LCA5: variants seen among roughly 807,000 people sequenced by gnomAD.
LCA5 encodes the protein lebercilin LCA5, also known as lebercilin.
A neutral mutation model predicts 53.0 loss-of-function variants in LCA5; 37 were observed. That is an observed-to-expected ratio of 0.70 (90% CI 0.54 to 0.92). The LOEUF is 0.92. Among genes scored for constraint, LCA5 ranks in the 40% least tolerant of loss-of-function variants. The pLI, the probability that LCA5 is intolerant of heterozygous loss-of-function variation, is 0.00. For missense variants in LCA5, 806 were observed against 790.5 expected, an observed-to-expected ratio of 1.02 and a Z score of -0.23; for synonymous variants, 303 against 282.9, an observed-to-expected ratio of 1.07 and a Z score of -0.71.
At chr6:79,514,589 T>C (rs1174000597) in intron 2 of LCA5, among the ~76,000 whole-genome samples, 1 of 152,114 alleles carries the variant, frequency 6.6e-6, no homozygotes, top group African/African-American at 2.4e-5. Context: ...CTATTCACAA[T>C]AGCAAAGACA....
chr6:79,509,487 A>G (rs1015668021), intron 3 of LCA5, among the ~76,000 whole-genome samples: 1 of 151,850 alleles, frequency 6.6e-6, no homozygotes, highest in Non-Finnish European at 1.5e-5. Context: ...GTTCATAATA[A>G]CATATTAAAT....
chr6:79,517,857 A>G (rs1454121265), intron 2 of LCA5, among the ~76,000 whole-genome samples: 1 of 152,144 alleles, frequency 6.6e-6, no homozygotes, highest in East Asian at 1.9e-4. Flanking sequence ...ACAGGATGCA[A>G]GGCATTTCAT....
At chr6:79,499,622 A>T (rs866162544) in intron 3 of LCA5, among the ~76,000 whole-genome samples, 20 of 152,116 alleles carry the variant, frequency 1.3e-4, no homozygotes, top group African/African-American at 4.3e-4. Context: ...AGAAAATGCA[A>T]ATAGTAGTTA....
chr6:79,519,504 C>T (rs1374359365), intron 1 of LCA5, among the ~76,000 whole-genome samples: 2 of 151,788 alleles, frequency 1.3e-5, no homozygotes, highest in African/African-American at 4.8e-5. Flanking sequence ...GAGGCCGAGG[C>T]GGGCAGATCA....
intron 3 of LCA5, among the ~76,000 whole-genome samples, chr6:79,512,661 A>G (rs1478447365): frequency 1.3e-5 from 2 of 152,082 alleles, no homozygotes; most frequent in Admixed American, 1.3e-4. Context: ...CCCTGTGTAA[A>G]AATCATGGGA....
At chr6:79,534,771 A>G (rs1483779711) in intron 1 of LCA5, among the ~76,000 whole-genome samples, 1 of 152,122 alleles carries the variant, frequency 6.6e-6, no homozygotes, top group Non-Finnish European at 1.5e-5. Context: ...TGAGGTTAGA[A>G]AAAGAAGACA....
chr6:79,519,851 ATTG>A (rs869051885), intron 1 of LCA5, among the ~76,000 whole-genome samples: 75 of 152,292 alleles, frequency 4.9e-4, no homozygotes, highest in African/African-American at 1.5e-3. Flanking sequence ...ATGACAAAAA[ATTG>A]TTATCATCTT....
chr6:79,522,175 TG>T (rs1322956668), intron 1 of LCA5, among the ~76,000 whole-genome samples: 1 of 152,032 alleles, frequency 6.6e-6, no homozygotes, highest in African/African-American at 2.4e-5. Context: ...AAATATTAGA[TG>T]GGGGGAAGTA....
At position 79,492,596 on chromosome 6, in the gene LCA5, T is replaced by G; in HGVS notation, c.910A>C (p.Lys304Gln). Residue 304 changes from lysine to glutamine, a missense_variant, in exon 5 of 8, where the codon AAG becomes CAG. Lys to Gln is a moderately conservative substitution (Grantham distance 53). Transcript: ENST00000369846. ...IKNIYSNRLP[K>Q]SSPNKEKELA... ...TCTTTCTCTTTATTTGGAGAGGACT[T>G]TGGCAGACGATTAGAATATATATTT... 6.4e-7 allele frequency: 1 copy of G among 1,571,620 alleles called. No homozygotes were observed. The highest frequency in any genetic ancestry group is 8.7e-7 in the Non-Finnish European group (1 of 1,146,868).
intron 1 of LCA5, among the ~76,000 whole-genome samples, chr6:79,524,125 G>C (rs755340613): frequency 1.3e-5 from 2 of 152,078 alleles, no homozygotes; most frequent in Non-Finnish European, 2.9e-5. Context: ...ATAGCCTGAA[G>C]TCCATTCCAT....
chr6:79,504,808 G>A (rs1410035191), intron 3 of LCA5, among the ~76,000 whole-genome samples: 3 of 152,026 alleles, frequency 2.0e-5, no homozygotes, highest in African/African-American at 7.2e-5. Flanking sequence ...TCGTGTGTGT[G>A]CAAAAATACA....
chr6:79,518,942 T>A lies in LCA5; in HGVS notation c.-48A>T. 1 of 1,565,864 alleles carries A rather than the reference T, an allele frequency of 6.4e-7. No homozygotes were observed. The highest frequency in any genetic ancestry group is 8.8e-7 in the Non-Finnish European group (1 of 1,135,992). On this transcript the variant is annotated 5_prime_UTR_variant, in exon 2 of 8. Transcript: ENST00000369846. Reference sequence around the variant, plus strand: ...TCACATAATTTCACAGATTATTTTCTCCAGAGGAGACTATGACAATACTGA... The same window carrying A: ...TCACATAATTTCACAGATTATTTTCACCAGAGGAGACTATGACAATACTGA...
chr6:79,521,064 T>TTA (rs1766610100), intron 1 of LCA5, among the ~76,000 whole-genome samples: 2 of 152,196 alleles, frequency 1.3e-5, no homozygotes, highest in Admixed American at 1.3e-4. Context: ...ATGTTGCTGG[T>TTA]GTAACTGAAG....
At chr6:79,524,089 A>C (rs2069304) in intron 1 of LCA5, among the ~76,000 whole-genome samples, 27,125 of 152,014 alleles carry the variant, frequency 0.18, 2,452 homozygotes, top group East Asian at 0.22. Flanking sequence ...TATATCACTA[A>C]TATCTACCAG....
intron 7 of LCA5, chr6:79,488,605 T>C (rs1769741889): frequency 5.9e-6 from 1 of 170,320 alleles, no homozygotes. Context: ...GAAAACTACA[T>C]TAGAATACAG....
chr6:79,514,511 G>GTA (rs747692750), intron 2 of LCA5, among the ~76,000 whole-genome samples: 2 of 152,032 alleles, frequency 1.3e-5, no homozygotes, highest in African/African-American at 4.8e-5. Context: ...CCATTACTGG[G>GTA]TATATACCCA....
chr6:79,485,496 C>A lies in LCA5; in HGVS notation c.*1508G>T, dbSNP rs921878006. 1 of 152,404 alleles carries A rather than the reference C, an allele frequency of 6.6e-6. No individual in the cohort carries two copies. The highest frequency in any genetic ancestry group is 2.4e-5 in the African/African-American group (1 of 41,400). 9.4% of individuals were successfully genotyped at this position (152,404 alleles called of 1,614,324 possible). A position where few individuals can be genotyped will look rare whatever the true frequency, so the allele number is the denominator to read the frequency against. ...GAAAACTTTTTAATATAGTTTAGCA[C>A]TTTTGAGAGATTCTGTTCCCAATAA... On this transcript the variant is annotated 3_prime_UTR_variant, in exon 8 of 8. Coordinates refer to ENST00000369846, the MANE Select transcript of LCA5 (RefSeq NM_001122769.3).
chr6:79,525,465 G>A lies in LCA5; in HGVS notation c.-191-6380C>T, dbSNP rs1464601514. Among the ~76,000 whole-genome samples the A allele has an allele frequency of 2.0e-5, 3 of 152,118 alleles. No homozygotes were observed. The East Asian group carries it at 5.8e-4, about 29-fold the overall frequency. ...AGAGTGGTCATAGCCATCTGGCAGAGGCAACACCCTCCTAGGCAAAAAGTC... is the reference window on the plus strand; with the variant it reads ...AGAGTGGTCATAGCCATCTGGCAGAAGCAACACCCTCCTAGGCAAAAAGTC... On this transcript the variant is annotated intron_variant, in intron 1 of 7. Transcript: ENST00000369846.
chr6:79,519,632 G>A (rs994195764), intron 1 of LCA5, among the ~76,000 whole-genome samples: 1 of 149,884 alleles, frequency 6.7e-6, no homozygotes. Flanking sequence ...CAGGAGAATC[G>A]CTCGAACCCA....
Sources: allele counts gnomAD v4.1 joint callset (sites outside exome capture counted in the v4.1 genomes callset), GRCh38; gene constraint gnomAD v4.1.1; transcripts MANE v1.5; gene names NCBI Gene and HGNC (gene_info 2026-07-23, HGNC 2026-07-21).